Variants in HIGD1C observed in about 807,000 individuals in gnomAD.
HIGD1C encodes the protein HIG1 hypoxia inducible domain family member 1C.
HIGD1C carries 11 observed loss-of-function variants against 13.1 expected under a neutral mutation model. That is an observed-to-expected ratio of 0.84 (90% CI 0.53 to 1.39). The LOEUF is 1.39. Among genes scored for constraint, HIGD1C ranks in the 40% most tolerant of loss-of-function variants. The pLI is 0.00. For missense variants in HIGD1C, 110 were observed against 112.0 expected, an observed-to-expected ratio of 0.98 and a Z score of 0.08; for synonymous variants, 36 against 37.7, an observed-to-expected ratio of 0.95 and a Z score of 0.17.
upstream of HIGD1C, among the ~76,000 whole-genome samples, chr12:50,949,748 G>T (rs376061486): frequency 1.1e-4 from 17 of 151,936 alleles, no homozygotes; most frequent in African/African-American, 4.1e-4. Context: ...TGATCAGGCT[G>T]GTCTCAAACT....
chr12:50,966,462 A>G (rs2544014), intron 2 of HIGD1C, among the ~76,000 whole-genome samples: 151,367 of 152,266 alleles, frequency 0.99, 75,239 homozygotes, highest in Middle Eastern at 1. Flanking sequence ...AAGATGCCTA[A>G]CAGCATCCCT....
At chr12:50,942,857 TTTCTC>T in the HIGD1C span, among the ~76,000 whole-genome samples, 3 of 143,664 alleles carry the variant, frequency 2.1e-5, no homozygotes, top group African/African-American at 5.1e-5. Flanking sequence ...CCAAATGCAG[TTTCTC>T]TTCTCTTTTT....
intron 1 of HIGD1C, among the ~76,000 whole-genome samples, chr12:50,957,233 CAG>C (rs1414045665): frequency 6.7e-6 from 1 of 149,816 alleles, no homozygotes; most frequent in Non-Finnish European, 1.5e-5. Context: ...TTTTTAAAGA[CAG>C]AGTTTCCCTC....
chr12:50,939,417 G>T, the HIGD1C span, among the ~76,000 whole-genome samples: 2 of 152,118 alleles, frequency 1.3e-5, no homozygotes, highest in Non-Finnish European at 2.9e-5. Context: ...CTAAGTGCTG[G>T]GATTAGAGGC....
chr12:50,955,443 C>A (rs1057278043), intron 1 of HIGD1C, among the ~76,000 whole-genome samples: 2 of 152,188 alleles, frequency 1.3e-5, no homozygotes, highest in Non-Finnish European at 2.9e-5. Flanking sequence ...CTTTCTCTTT[C>A]TTCTCCATGG....
At chr12:50,953,909 TAATC>T (rs1359697042), upstream of HIGD1C, 2 of 707,826 alleles carry the variant, frequency 2.8e-6, no homozygotes, top group Non-Finnish European at 4.9e-6. Context: ...AAAAAACACA[TAATC>T]AAGAGTATGA....
chr12:50,959,506 TCTTA>T (rs1248253330), intron 1 of HIGD1C, among the ~76,000 whole-genome samples: 1 of 152,226 alleles, frequency 6.6e-6, no homozygotes, highest in Non-Finnish European at 1.5e-5. Flanking sequence ...TGCATTTAAC[TCTTA>T]CTTATCCAAA....
At chr12:50,955,577 G>A (rs1417460373) in intron 1 of HIGD1C, among the ~76,000 whole-genome samples, 1 of 152,098 alleles carries the variant, frequency 6.6e-6, no homozygotes, top group African/African-American at 2.4e-5. Flanking sequence ...CTTCTAAATA[G>A]GTATGTCAGA....
chr12:50,938,472 G>A, the HIGD1C span, among the ~76,000 whole-genome samples: 4 of 152,134 alleles, frequency 2.6e-5, no homozygotes, highest in South Asian at 4.1e-4. Flanking sequence ...GTCCAGAACC[G>A]TGGCTGGCCA....
At chr12:50,951,709 C>G (rs1462175303), upstream of HIGD1C, among the ~76,000 whole-genome samples, 1 of 151,916 alleles carries the variant, frequency 6.6e-6, no homozygotes, top group Non-Finnish European at 1.5e-5. Flanking sequence ...CACCTGAGAT[C>G]AGGGGTTTGA....
At chr12:50,942,865 C>CTT in the HIGD1C span, among the ~76,000 whole-genome samples, 4 of 121,672 alleles carry the variant, frequency 3.3e-5, no homozygotes, top group Non-Finnish European at 5.1e-5. Context: ...AGTTTCTCTT[C>CTT]TCTTTTTTTT....
intron 1 of HIGD1C, among the ~76,000 whole-genome samples, chr12:50,956,777 C>T (rs527798670): frequency 4.1e-4 from 63 of 152,268 alleles, no homozygotes; most frequent in African/African-American, 1.2e-3. Context: ...CATAGTGTAG[C>T]CCTGAACATC....
intron 2 of HIGD1C, 80 bp downstream of exon 4, chr12:50,961,182 T>G: frequency 1.4e-6 from 2 of 1,408,410 alleles, no homozygotes; most frequent in Non-Finnish European, 9.8e-7. Flanking sequence ...TAGTAGAAGA[T>G]GAATGTTGGG....
the HIGD1C span, among the ~76,000 whole-genome samples, chr12:50,943,437 G>A: frequency 6.6e-6 from 1 of 152,176 alleles, no homozygotes; most frequent in Non-Finnish European, 1.5e-5. Context: ...TAGGCCGGGT[G>A]TGGTGGCTCA....
At chr12:50,960,123 A>G (rs1939269241) in intron 1 of HIGD1C, among the ~76,000 whole-genome samples, 1 of 152,248 alleles carries the variant, frequency 6.6e-6, no homozygotes, top group African/African-American at 2.4e-5. Context: ...TAGGAAATAC[A>G]GAAATATTTG....
chr12:50,953,840 T>C (rs1156818200), upstream of HIGD1C: 2 of 547,768 alleles, frequency 3.7e-6, no homozygotes, highest in South Asian at 5.1e-5. Context: ...TAGTGAAAAG[T>C]GTGAAGGAAA....
At position 50,960,658 on chromosome 12, in the gene HIGD1C, T is replaced by G. The variant is rs561325936; in HGVS notation, c.95-310T>G. Among the ~76,000 whole-genome samples, 4 of 152,064 alleles carry G rather than the reference T, an allele frequency of 2.6e-5. 1 individual carries two copies. The South Asian group carries it at 8.3e-4, about 32-fold the overall frequency. ...TTTAACTCTCTAAGCACTTGAAAAT[T>G]CTTGCCTGCTGTGTATTTAACCCAT... On this transcript the variant is annotated intron_variant, in intron 1 of 2. Coordinates refer to ENST00000398455, the Ensembl canonical transcript of HIGD1C.
At chr12:50,937,190 C>T in the HIGD1C span, among the ~76,000 whole-genome samples, 1 of 152,194 alleles carries the variant, frequency 6.6e-6, no homozygotes, top group Admixed American at 6.5e-5. Flanking sequence ...GACACCCCTG[C>T]CCAGGGCCTT....
chr12:50,958,256 A>G (rs1360922490), intron 1 of HIGD1C, among the ~76,000 whole-genome samples: 1 of 151,556 alleles, frequency 6.6e-6, no homozygotes, highest in East Asian at 1.9e-4. Context: ...ATGGAAAGGC[A>G]CAAGTCCTAG....
Sources: allele counts gnomAD v4.1 joint callset (sites outside exome capture counted in the v4.1 genomes callset), GRCh38; gene constraint gnomAD v4.1.1; transcripts MANE v1.5; gene names NCBI Gene and HGNC (gene_info 2026-07-23, HGNC 2026-07-21).